The following CMTM8 variants were observed in gnomAD, a reference collection of about 807,000 sequenced individuals.
CMTM8 encodes CKLF-like MARVEL transmembrane domain-containing protein 8.
Under a neutral mutation model 18.6 loss-of-function variants are expected in CMTM8, and 12 were observed. That is an observed-to-expected ratio of 0.65 (90% CI 0.41 to 1.05). The LOEUF is 1.05. CMTM8 is among the 50% of genes least tolerant of loss of function. CMTM8 has a pLI of 0.00. For synonymous variants in CMTM8, 87 were observed against 90.6 expected, an observed-to-expected ratio of 0.96 and a Z score of 0.23; for missense variants, 217 against 227.2, an observed-to-expected ratio of 0.95 and a Z score of 0.29.
chr3:32,255,370 C>T (rs941371085), intron 1 of CMTM8, among the ~76,000 whole-genome samples: 5 of 152,084 alleles, frequency 3.3e-5, no homozygotes, highest in Admixed American at 2.0e-4. Context: ...GTGTGTGTGC[C>T]GTTTTACAAT....
At chr3:32,303,088 T>C (rs931113796) in intron 1 of CMTM8, among the ~76,000 whole-genome samples, 1 of 152,204 alleles carries the variant, frequency 6.6e-6, no homozygotes, top group African/African-American at 2.4e-5. Flanking sequence ...ACATAAACTC[T>C]AAATTGAGTG....
At chr3:32,357,639 A>G (rs1470581253) in intron 2 of CMTM8, 93 bp downstream of exon 2, 5 of 1,306,284 alleles carry the variant, frequency 3.8e-6, no homozygotes, top group African/African-American at 1.5e-5. Context: ...CTCTCTGCCC[A>G]GAAAAGGTGG....
chr3:32,239,182 G>T, intron 1 of CMTM8, 63 bp downstream of exon 1: 1 of 1,528,292 alleles, frequency 6.5e-7, no homozygotes, highest in Non-Finnish European at 8.8e-7. Context: ...TGCTTCCGCC[G>T]TGCTTCTCGG....
intron 1 of CMTM8, among the ~76,000 whole-genome samples, chr3:32,298,860 CACATATATATACACACACAT>C (rs1695541938): frequency 7.0e-6 from 1 of 143,686 alleles, no homozygotes; most frequent in Non-Finnish European, 1.5e-5. Flanking sequence ...TATACACACA[CACATATATATACACACACAT>C]ACATATATAT....
chr3:32,260,870 T>C (rs542195494), intron 1 of CMTM8, among the ~76,000 whole-genome samples: 1 of 152,284 alleles, frequency 6.6e-6, no homozygotes, highest in South Asian at 2.1e-4. Context: ...GCTATTTCTT[T>C]GTCTCAGGTT....
intron 1 of CMTM8, among the ~76,000 whole-genome samples, chr3:32,350,526 T>A (rs569073586): frequency 1.2e-4 from 18 of 149,448 alleles, no homozygotes; most frequent in African/African-American, 4.4e-4. Context: ...CCCAGCTAAT[T>A]TTTTTTTTTT....
intron 1 of CMTM8, among the ~76,000 whole-genome samples, chr3:32,340,195 A>C (rs1696466220): frequency 6.6e-6 from 1 of 152,058 alleles, no homozygotes; most frequent in Non-Finnish European, 1.5e-5. Flanking sequence ...AAGTGTAGGA[A>C]CTCATCCAGA....
In CMTM8 at chr3:32,345,734, A is replaced by G. The variant is rs187226967; in HGVS notation, c.148-11639A>G. Among the ~76,000 whole-genome samples the G allele has an allele frequency of 1.6e-3, 249 of 152,376 alleles. 1 individual carries two copies. Among genetic ancestry groups the G allele is most frequent in the Non-Finnish European group, 2.7e-3 (185 of 68,030 alleles). On this transcript the variant is annotated intron_variant, in intron 1 of 3. Coordinates refer to ENST00000307526, the MANE Select transcript of CMTM8 (RefSeq NM_178868.5). ...ACAGAATAAAATAAGGATTGCCACC[A>G]TCACTTGTGTTCTGGAAGACGGTTC...
intron 1 of CMTM8, among the ~76,000 whole-genome samples, chr3:32,319,248 T>C (rs1364194589): frequency 6.6e-6 from 1 of 150,658 alleles, no homozygotes; most frequent in African/African-American, 2.4e-5. Flanking sequence ...CTGGCTAATT[T>C]TTGTATTTTT....
At chr3:32,246,592 A>G (rs1702019052) in intron 1 of CMTM8, among the ~76,000 whole-genome samples, 1 of 152,098 alleles carries the variant, frequency 6.6e-6, no homozygotes, top group South Asian at 2.1e-4. Flanking sequence ...GACCTGATAT[A>G]TTACCTGTTT....
chr3:32,365,950 C>T (rs1332858840), intron 2 of CMTM8, among the ~76,000 whole-genome samples: 4 of 152,200 alleles, frequency 2.6e-5, no homozygotes, highest in African/African-American at 9.7e-5. Context: ...ATCCCTCCTT[C>T]ATTTCTGTAG....
chr3:32,285,534 A>T (rs1325483633), intron 1 of CMTM8, among the ~76,000 whole-genome samples: 2 of 151,630 alleles, frequency 1.3e-5, no homozygotes, highest in Non-Finnish European at 2.9e-5. Context: ...AAATTAAATT[A>T]ATAATAATAC....
At chr3:32,295,455 C>CAAAAAAAAAAAA (rs1400148634) in intron 1 of CMTM8, among the ~76,000 whole-genome samples, 4 of 27,538 alleles carry the variant, frequency 1.5e-4, no homozygotes, top group African/African-American at 4.0e-4. Flanking sequence ...GACTCCATCT[C>CAAAAAAAAAAAA]AAAAAAAAAA....
chr3:32,345,196 C>T (rs540685019), intron 1 of CMTM8, among the ~76,000 whole-genome samples: 2 of 152,166 alleles, frequency 1.3e-5, no homozygotes, highest in Non-Finnish European at 2.9e-5. Flanking sequence ...AAAAAATTAC[C>T]TGAGTGTGGT....
At chr3:32,304,774 A>G (rs924312547) in intron 1 of CMTM8, among the ~76,000 whole-genome samples, 5 of 152,252 alleles carry the variant, frequency 3.3e-5, no homozygotes. Flanking sequence ...GAGTAGGAAC[A>G]TCTGCTTTAG....
chr3:32,244,755 G>C (rs994741667), intron 1 of CMTM8, among the ~76,000 whole-genome samples: 1 of 152,180 alleles, frequency 6.6e-6, no homozygotes, highest in Non-Finnish European at 1.5e-5. Flanking sequence ...AGCATAACCA[G>C]TGCTGTAGCA....
At chr3:32,263,333 G>C (rs141617413) in intron 1 of CMTM8, among the ~76,000 whole-genome samples, 23 of 152,336 alleles carry the variant, frequency 1.5e-4, no homozygotes, top group African/African-American at 5.3e-4. Context: ...CTGATACCCA[G>C]GCAAACGGTC....
intron 1 of CMTM8, among the ~76,000 whole-genome samples, chr3:32,298,763 G>A (rs2125561451): frequency 6.7e-6 from 1 of 149,672 alleles, no homozygotes; most frequent in Non-Finnish European, 1.5e-5. Context: ...TTCCCAAGCA[G>A]CTGGGACTAG....
intron 1 of CMTM8, among the ~76,000 whole-genome samples, chr3:32,281,237 T>C (rs9883786): frequency 0.023 from 3,458 of 152,308 alleles, 143 homozygotes; most frequent in African/African-American, 0.079. Flanking sequence ...ACACTGTACC[T>C]GAAAATATTT....
Sources: allele counts gnomAD v4.1 joint callset (sites outside exome capture counted in the v4.1 genomes callset), GRCh38; gene constraint gnomAD v4.1.1; transcripts MANE v1.5; gene names NCBI Gene and HGNC (gene_info 2026-07-23, HGNC 2026-07-21).